The following GRM7 variants were observed in gnomAD, a reference collection of about 807,000 sequenced individuals.
The protein encoded by GRM7 is metabotropic glutamate receptor 7.
A neutral mutation model predicts 84.5 loss-of-function variants in GRM7; 35 were observed. The observed-to-expected ratio is 0.41, with a 90% CI of 0.32 to 0.55. The LOEUF (loss-of-function observed/expected upper bound fraction) is 0.55. Ranked by LOEUF, GRM7 falls within the 20% of genes least tolerant of loss-of-function variation. GRM7 has a pLI of 0.19. For missense variants in GRM7, 1,003 were observed against 1,194.6 expected (o/e 0.84, Z 2.36); for synonymous variants, 487 against 455.1 (o/e 1.07, Z -0.89).
chr3:7,330,048 A>G (rs1337709324), intron 4 of GRM7, among the ~76,000 whole-genome samples: 1 of 152,172 alleles, frequency 6.6e-6, no homozygotes, highest in Non-Finnish European at 1.5e-5. Context: ...TAAACAACAC[A>G]GAAGGTAATG....
intron 3 of GRM7, among the ~76,000 whole-genome samples, chr3:7,301,160 G>A (rs17047056): frequency 0.5 from 75,535 of 151,716 alleles, 20,763 homozygotes; most frequent in Non-Finnish European, 0.63. Flanking sequence ...CTTTGCTCAC[G>A]ATGTTTTTTT....
intron 9 of GRM7, among the ~76,000 whole-genome samples, chr3:7,697,181 CA>C (rs1187545121): frequency 6.6e-6 from 1 of 151,994 alleles, no homozygotes; most frequent in Non-Finnish European, 1.5e-5. Flanking sequence ...AGTTTGTGTC[CA>C]GAAGTATAAA....
At chr3:7,644,281 G>A (rs1027870665) in intron 8 of GRM7, among the ~76,000 whole-genome samples, 3 of 150,148 alleles carry the variant, frequency 2.0e-5, no homozygotes, top group Non-Finnish European at 4.4e-5. Context: ...ATGATTTAAA[G>A]TGTGTGATTA....
intron 7 of GRM7, among the ~76,000 whole-genome samples, chr3:7,507,878 G>A (rs1450420555): frequency 6.6e-6 from 1 of 152,078 alleles, no homozygotes; most frequent in Non-Finnish European, 1.5e-5. Context: ...TACAAGTTCT[G>A]GTTAGCTTTT....
chr3:6,876,599 ATTTTT>A (rs34723690), intron 1 of GRM7, among the ~76,000 whole-genome samples: 1 of 124,140 alleles, frequency 8.1e-6, no homozygotes, highest in Admixed American at 9.0e-5. Context: ...TTTACCACTA[ATTTTT>A]TTTTTTTTTT....
chr3:7,393,874 G>A (rs550726985), intron 4 of GRM7, among the ~76,000 whole-genome samples: 102 of 152,224 alleles, frequency 6.7e-4, no homozygotes, highest in Non-Finnish European at 1.1e-3. Context: ...CCAGCACCAC[G>A]TGGTCCATGT....
chr3:7,489,537 C>T (rs1284094422), intron 7 of GRM7, among the ~76,000 whole-genome samples: 1 of 152,152 alleles, frequency 6.6e-6, no homozygotes, highest in Non-Finnish European at 1.5e-5. Context: ...CCATGACAGA[C>T]ATGACATCTA....
intron 1 of GRM7, among the ~76,000 whole-genome samples, chr3:6,888,283 G>T (rs537136427): frequency 6.6e-6 from 1 of 152,296 alleles, no homozygotes; most frequent in Non-Finnish European, 1.5e-5. Context: ...TGCTTTTGGT[G>T]TTTTAGACAT....
chr3:7,196,247 T>G (rs1695875055), intron 2 of GRM7, among the ~76,000 whole-genome samples: 1 of 152,158 alleles, frequency 6.6e-6, no homozygotes, highest in South Asian at 2.1e-4. Flanking sequence ...GGTCTTTAAC[T>G]GATTAGGTAA....
At chr3:7,231,688 A>G (rs1697200189) in intron 2 of GRM7, among the ~76,000 whole-genome samples, 1 of 152,168 alleles carries the variant, frequency 6.6e-6, no homozygotes, top group African/African-American at 2.4e-5. Context: ...CAACATCTCT[A>G]TGAGATAGAT....
At chr3:7,013,287 A>C (rs1327884044) in intron 1 of GRM7, among the ~76,000 whole-genome samples, 1 of 152,154 alleles carries the variant, frequency 6.6e-6, no homozygotes, top group Admixed American at 6.5e-5. Flanking sequence ...CTTAGCCATG[A>C]GGTAAGGGTG....
chr3:7,216,700 A>G (rs1696624585), intron 2 of GRM7, among the ~76,000 whole-genome samples: 1 of 152,124 alleles, frequency 6.6e-6, no homozygotes, highest in Non-Finnish European at 1.5e-5. Context: ...ATATTAGCAA[A>G]TGTTTCTGTT....
At position 6,888,049 on chromosome 3, in the gene GRM7, A is replaced by G. The variant is rs1017133480; in HGVS notation, c.519+26142A>G. Among the ~76,000 whole-genome samples the G allele has an allele frequency of 2.0e-5, 3 of 152,168 alleles. No homozygotes were observed. The East Asian group carries it at 5.8e-4, about 29-fold the overall frequency. On this transcript the variant is annotated intron_variant, in intron 1 of 9. Transcript: ENST00000357716. ...GTCTTCTGTTGAGAAGTGTCTGTTC[A>G]TGTCCCTTGCCCACTTTTGGATGGG...
chr3:7,058,089 T>G (rs1697294333), intron 1 of GRM7, among the ~76,000 whole-genome samples: 1 of 151,960 alleles, frequency 6.6e-6, no homozygotes, highest in South Asian at 2.1e-4. Context: ...ATTTTATCTT[T>G]TATAAATTCA....
chr3:7,659,163 A>G (rs1421161536), intron 8 of GRM7, among the ~76,000 whole-genome samples: 1 of 152,212 alleles, frequency 6.6e-6, no homozygotes. Flanking sequence ...AACTTACTGA[A>G]TCTTGAAAAT....
At chr3:7,371,791 A>G (rs1180850790) in intron 4 of GRM7, among the ~76,000 whole-genome samples, 2 of 152,100 alleles carry the variant, frequency 1.3e-5, no homozygotes, top group Admixed American at 1.3e-4. Context: ...TCTTTCCTCT[A>G]ATGATTTGAA....
chr3:7,417,973 C>T (rs1337308043), intron 5 of GRM7, among the ~76,000 whole-genome samples: 1 of 151,998 alleles, frequency 6.6e-6, no homozygotes. Flanking sequence ...AATGCAAAGT[C>T]ATGAGAGGAA....
chr3:7,257,924 A>T (rs1433164375), intron 2 of GRM7, among the ~76,000 whole-genome samples: 1 of 152,200 alleles, frequency 6.6e-6, no homozygotes, highest in Non-Finnish European at 1.5e-5. Flanking sequence ...AATATTTTCC[A>T]GTCACTTTCA....
chr3:6,960,369 T>C (rs1693245812), intron 1 of GRM7, among the ~76,000 whole-genome samples: 1 of 152,156 alleles, frequency 6.6e-6, no homozygotes, highest in African/African-American at 2.4e-5. Flanking sequence ...CTAATCAATG[T>C]ATATAACCAA....
Sources: allele counts gnomAD v4.1 joint callset (sites outside exome capture counted in the v4.1 genomes callset), GRCh38; gene constraint gnomAD v4.1.1; transcripts MANE v1.5; gene names NCBI Gene and HGNC (gene_info 2026-07-23, HGNC 2026-07-21).